The following FAM78A variants were observed in gnomAD, a reference collection of about 807,000 sequenced individuals.
FAM78A encodes the protein family with sequence similarity 78 member A, also known as protein FAM78A.
In FAM78A, 12 loss-of-function variants were observed where a neutral mutation model predicts 22.6. That is an observed-to-expected ratio of 0.53 (90% CI 0.34 to 0.86). FAM78A has a LOEUF of 0.86. Among genes scored for constraint, FAM78A ranks in the 40% least tolerant of loss-of-function variants. The pLI, the probability that FAM78A is intolerant of heterozygous loss-of-function variation, is 0.02. For missense variants in FAM78A, 322 were observed against 396.1 expected, an observed-to-expected ratio of 0.81 and a Z score of 1.59; for synonymous variants, 151 against 155.8, an observed-to-expected ratio of 0.97 and a Z score of 0.23.
At chr9:131,273,757 C>T (rs906506802) in intron 1 of FAM78A, among the ~76,000 whole-genome samples, 5 of 152,210 alleles carry the variant, frequency 3.3e-5, no homozygotes, top group African/African-American at 1.2e-4. Flanking sequence ...TTACTGCCTG[C>T]GGTAAGTATT....
Position 131,274,982 on chromosome 9 carries a change from T to G in FAM78A, c.323+875A>C, listed in dbSNP as rs1208604312. ...CAGAAACAGCTATTTTCACCATCCC[T>G]GTCTTAGGGTGAACCTTCAGATTAA... On this transcript the variant is annotated intron_variant, in intron 1 of 1. Transcript: ENST00000372271. This position sits in a 1 kb window ranked among gnomAD's most constrained non-coding sequence, Gnocchi z 4.2. 2.6e-5 allele frequency among the ~76,000 whole-genome samples: 4 copies of G among 152,208 alleles called. No homozygotes were observed. The highest frequency in any genetic ancestry group is 5.9e-5 in the Non-Finnish European group (4 of 68,030).
In FAM78A at chr9:131,265,024, G is replaced by A. The variant is rs564049528; in HGVS notation, c.324-3674C>T. Among the ~76,000 whole-genome samples, 10 of 151,770 alleles carry A rather than the reference G, an allele frequency of 6.6e-5. No individual in the cohort carries two copies. The South Asian group carries it at 1.9e-3, about 28-fold the overall frequency. On this transcript the variant is annotated intron_variant, in intron 1 of 1. Transcript: ENST00000372271. This position sits in a 1 kb window ranked among gnomAD's most constrained non-coding sequence, Gnocchi z 4.3. ...CAGGCGTGAGCCACCGTCCCCAGCC[G>A]AATTATTTTTATATGAACTTGTTTC...
chr9:131,260,968 C>CGAT lies in FAM78A; in HGVS notation c.703_705dup (p.Ile235dup), dbSNP rs907649188. 1 of 1,612,618 alleles carries CGAT rather than the reference C, an allele frequency of 6.2e-7. No individual in the cohort carries two copies. The highest frequency in any genetic ancestry group is 8.5e-7 in the Non-Finnish European group (1 of 1,179,326). On this transcript the variant is annotated inframe_insertion, in exon 2 of 2. Coordinates refer to ENST00000372271, the MANE Select transcript of FAM78A (RefSeq NM_033387.4). This position sits in a 1 kb window ranked among gnomAD's most constrained non-coding sequence, Gnocchi z 5.4. Reference sequence around the variant, plus strand: ...CTCAGGATTTTGGGCTGGTCCTGGGCGATGGGCTCCCGCAGCCGGGCGCGC... The same window carrying CGAT: ...CTCAGGATTTTGGGCTGGTCCTGGGCGATGATGGGCTCCCGCAGCCGGGCGCGC...
chr9:131,280,391 C>T (rs749871612), upstream of FAM78A, among the ~76,000 whole-genome samples: 13 of 152,208 alleles, frequency 8.5e-5, no homozygotes, highest in Non-Finnish European at 1.2e-4. Context: ...AGGCTCATGA[C>T]GCATCCACGC....
In FAM78A at chr9:131,274,172, G is replaced by A. The variant is rs961323914; in HGVS notation, c.323+1685C>T. ...GGCTTGGAGTCTGTACCTTGGGTCAGGCCTGTGGCCTCCCCACCACACGTT... is the reference window on the plus strand; with the variant it reads ...GGCTTGGAGTCTGTACCTTGGGTCAAGCCTGTGGCCTCCCCACCACACGTT... On this transcript the variant is annotated intron_variant, in intron 1 of 1. Transcript: ENST00000372271. The surrounding 1 kb of genome is among the most constrained non-coding windows in gnomAD (Gnocchi z 4.2). Among the ~76,000 whole-genome samples, 2 of 152,244 alleles carry A rather than the reference G, an allele frequency of 1.3e-5. No individual in the cohort carries two copies. The highest frequency in any genetic ancestry group is 4.8e-5 in the African/African-American group (2 of 41,458).
chr9:131,263,937 A>C (rs1350842241), intron 1 of FAM78A: 3 of 152,382 alleles, frequency 2.0e-5, no homozygotes, highest in African/African-American at 7.2e-5. Flanking sequence ...GGGGGGCCCC[A>C]CAGCAGCAGG....
In FAM78A at chr9:131,275,518, CAG is replaced by C. The variant is rs1390951881; in HGVS notation, c.323+337_323+338del. 1.3e-5 allele frequency among the ~76,000 whole-genome samples: 2 copies of C among 152,238 alleles called. No individual in the cohort carries two copies. The highest frequency in any genetic ancestry group is 4.8e-5 in the African/African-American group (2 of 41,458). On this transcript the variant is annotated intron_variant, in intron 1 of 1. Coordinates refer to ENST00000372271, the MANE Select transcript of FAM78A (RefSeq NM_033387.4). This position sits in a 1 kb window ranked among gnomAD's most constrained non-coding sequence, Gnocchi z 4.6. ...GCCTCTCTGGTGACCCCTGATGGCA[CAG>C]ACACTCCTCAGGCGGACGGCACACT...
At position 131,275,872 on chromosome 9, in the gene FAM78A, TA is replaced by T; in HGVS notation, c.307del (p.Tyr103ThrfsTer28). Reference protein sequence around the residue: ...ACSHMEFYNQYGEQGMSSWEL... With the variant: ...ACSHMEFYNQXGEQGMSSWEL... ...CCGTACTCACATGCCCTGCTCGCCG[TA>T]CTGGTTGTAGAACTCCATGTGGCTG... On this transcript the variant is annotated frameshift_variant, in exon 1 of 2. Transcript: ENST00000372271. LOFTEE classifies it high-confidence loss of function. The surrounding 1 kb of genome is among the most constrained non-coding windows in gnomAD (Gnocchi z 4.6). The T allele has an allele frequency of 6.3e-7, 1 of 1,595,978 alleles. No individual in the cohort carries two copies. Among genetic ancestry groups the T allele is most frequent in the Non-Finnish European group, 8.6e-7 (1 of 1,168,922 alleles).
At position 131,272,063 on chromosome 9, in the gene FAM78A, C is replaced by T. The variant is rs1358834422; in HGVS notation, c.323+3794G>A. Among the ~76,000 whole-genome samples, 2 of 151,972 alleles carry T rather than the reference C, an allele frequency of 1.3e-5. No homozygotes were observed. The highest frequency in any genetic ancestry group is 3.8e-4 in the East Asian group (2 of 5,202). On this transcript the variant is annotated intron_variant, in intron 1 of 1. Coordinates refer to ENST00000372271, the MANE Select transcript of FAM78A (RefSeq NM_033387.4). The surrounding 1 kb of genome is among the most constrained non-coding windows in gnomAD (Gnocchi z 4.1). ...TGTTCCATTTCAAATATTTCAAACC[C>T]AGAATGTCATTCTAAAAAGTTATCC...
At chr9:131,279,360 G>C (rs1430457144), upstream of FAM78A, among the ~76,000 whole-genome samples, 1 of 152,210 alleles carries the variant, frequency 6.6e-6, no homozygotes, top group Non-Finnish European at 1.5e-5. Flanking sequence ...CTGTCCCTCT[G>C]ACAGTCACAG....
Position 131,260,962 on chromosome 9 carries a change from C to T in FAM78A, c.712G>A (p.Asp238Asn), listed in dbSNP as rs1371454304. The T allele has an allele frequency of 6.2e-7, 1 of 1,612,390 alleles. No homozygotes were observed. Among genetic ancestry groups the T allele is most frequent in the African/African-American group, 1.3e-5 (1 of 74,908 alleles). ...TTCTTGCTCAGGATTTTGGGCTGGT[C>T]CTGGGCGATGGGCTCCCGCAGCCGG... ...RARLREPIAQ[D>N]QPKILSKNEP... The change falls in exon 2 of 2, where the codon GAC becomes AAC. Residue 238 changes from aspartate (D) to asparagine (N), a missense_variant. Coordinates refer to ENST00000372271, the MANE Select transcript of FAM78A (RefSeq NM_033387.4). The surrounding 1 kb of genome is among the most constrained non-coding windows in gnomAD (Gnocchi z 5.4).
upstream of FAM78A, among the ~76,000 whole-genome samples, chr9:131,279,917 T>C (rs979294324): frequency 5.9e-5 from 9 of 152,160 alleles, no homozygotes; most frequent in Non-Finnish European, 1.3e-4. Flanking sequence ...ATTCAGCTTC[T>C]TCACCAAGCA....
At position 131,274,231 on chromosome 9, in the gene FAM78A, G is replaced by A. The variant is rs1835454161; in HGVS notation, c.323+1626C>T. ...CACATTAGCATCCAGTCCCGTGAGT[G>A]CTCATGTCTTTCCAAGTTCAGAAGA... On this transcript the variant is annotated intron_variant, in intron 1 of 1. Coordinates refer to ENST00000372271, the MANE Select transcript of FAM78A (RefSeq NM_033387.4). This position sits in a 1 kb window ranked among gnomAD's most constrained non-coding sequence, Gnocchi z 4.2. 6.6e-6 allele frequency among the ~76,000 whole-genome samples: 1 copy of A among 152,248 alleles called. No individual in the cohort carries two copies. Among genetic ancestry groups the A allele is most frequent in the Non-Finnish European group, 1.5e-5 (1 of 68,038 alleles).
At chr9:131,280,771 C>A (rs776695767), upstream of FAM78A, among the ~76,000 whole-genome samples, 1 of 152,238 alleles carries the variant, frequency 6.6e-6, no homozygotes, top group Non-Finnish European at 1.5e-5. Flanking sequence ...GGAAAAGAGA[C>A]TGCTGCAGTG....
At position 131,259,942 on chromosome 9, in the gene FAM78A, A is replaced by T. The variant is rs545659438; in HGVS notation, c.*880T>A. 2 of 152,866 alleles carry T rather than the reference A, an allele frequency of 1.3e-5. No homozygotes were observed. Among genetic ancestry groups the T allele is most frequent in the Admixed American group, 1.3e-4 (2 of 15,312 alleles). 9.5% of individuals were successfully genotyped at this position (152,866 alleles called of 1,614,324 possible). ...GCCTCTCTCCTCCTAGAGCCGCCCA[A>T]GGGAAGTTAAGGCTGCTGGGAAGAG... On this transcript the variant is annotated 3_prime_UTR_variant, in exon 2 of 2. Coordinates refer to ENST00000372271, the MANE Select transcript of FAM78A (RefSeq NM_033387.4).
chr9:131,264,565 T>A (rs756282787), intron 1 of FAM78A: 1 of 716,924 alleles, frequency 1.4e-6, no homozygotes, highest in South Asian at 1.5e-5. Context: ...TTGTGATGAT[T>A]AAATGTACTG....
At chr9:131,277,053 G>A (rs1467848250), upstream of FAM78A, among the ~76,000 whole-genome samples, 3 of 150,748 alleles carry the variant, frequency 2.0e-5, no homozygotes, top group African/African-American at 7.3e-5. The surrounding 1 kb of genome is among the most constrained non-coding windows in gnomAD (Gnocchi z 8.4). Context: ...GGCGCGGGCT[G>A]CGGAGCTGAC....
chr9:131,271,433 G>A (rs982345845), intron 1 of FAM78A, among the ~76,000 whole-genome samples: 8 of 152,196 alleles, frequency 5.3e-5, no homozygotes, highest in Non-Finnish European at 4.4e-5. Flanking sequence ...TGGTATTCGT[G>A]AGGTGCTGGG....
At chr9:131,269,998 C>A in intron 1 of FAM78A, among the ~76,000 whole-genome samples, 1 of 143,274 alleles carries the variant, frequency 7.0e-6, no homozygotes, top group Non-Finnish European at 1.5e-5. Flanking sequence ...AATTTGAGAC[C>A]AGCCTGGTCA....
Sources: allele counts gnomAD v4.1 joint callset (sites outside exome capture counted in the v4.1 genomes callset), GRCh38; gene constraint gnomAD v4.1.1; non-coding constraint Gnocchi (gnomAD v3.1); transcripts MANE v1.5; gene names NCBI Gene and HGNC (gene_info 2026-07-23, HGNC 2026-07-21).